Variants in CAST observed in about 807,000 individuals in gnomAD.
CAST encodes the protein MIR583 host.
CAST carries 76 observed loss-of-function variants against 119.6 expected under a neutral mutation model. The observed-to-expected ratio is 0.64, with a 90% CI of 0.53 to 0.77. CAST has a LOEUF of 0.77. CAST is among the 30% of genes least tolerant of loss of function. The pLI, the probability that CAST is intolerant of heterozygous loss-of-function variation, is 0.00. For synonymous variants in CAST, 319 were observed against 331.6 expected (o/e 0.96, Z 0.41); for missense variants, 953 against 946.5 (o/e 1.01, Z -0.09).
At chr5:96,507,663 C>G in the CAST span, among the ~76,000 whole-genome samples, 1 of 152,144 alleles carries the variant, frequency 6.6e-6, no homozygotes, top group African/African-American at 2.4e-5. Context: ...CTAAATAGGA[C>G]TCTGAAAATT....
the CAST span, chr5:96,393,179 A>C: frequency 2.5e-6 from 4 of 1,614,042 alleles, no homozygotes; most frequent in Non-Finnish European, 3.4e-6. Context: ...TTCATAAGGG[A>C]TGTTGAGCTT....
At chr5:96,696,328 A>G (rs924983429) in intron 3 of CAST, 1 of 153,042 alleles carries the variant, frequency 6.5e-6, no homozygotes. Flanking sequence ...TCTTCTTCTT[A>G]TTCCTTTATA....
At chr5:95,975,432 CCACT>C in the CAST span, among the ~76,000 whole-genome samples, 1 of 152,082 alleles carries the variant, frequency 6.6e-6, no homozygotes, top group South Asian at 2.1e-4. Flanking sequence ...AAAAACAAAC[CCACT>C]CTGTTTGGCA....
intron 25 of CAST, among the ~76,000 whole-genome samples, chr5:96,764,030 T>C (rs1768940377): frequency 6.6e-6 from 1 of 151,902 alleles, no homozygotes; most frequent in African/African-American, 2.4e-5. Context: ...GGATAGTGTA[T>C]GTGAAAACAT....
At chr5:96,169,512 G>A in the CAST span, among the ~76,000 whole-genome samples, 3 of 152,164 alleles carry the variant, frequency 2.0e-5, no homozygotes, top group African/African-American at 7.2e-5. Flanking sequence ...GACTTGTCCG[G>A]TTTTTGGACA....
At chr5:96,662,696 T>G (rs978563580) in intron 1 of CAST, among the ~76,000 whole-genome samples, 199 bp downstream of exon 1, 1 of 133,588 alleles carries the variant, frequency 7.5e-6, no homozygotes, top group Admixed American at 7.2e-5. Context: ...CCGGGTCCAG[T>G]GCGCTGGGCG....
intron 1 of CAST, among the ~76,000 whole-genome samples, chr5:96,666,598 G>T (rs999615192): frequency 2.0e-5 from 3 of 152,130 alleles, no homozygotes; most frequent in Admixed American, 2.0e-4. Context: ...AACAGGGCCT[G>T]CAAAAAGGGC....
the CAST span, among the ~76,000 whole-genome samples, chr5:96,232,254 C>A: frequency 6.6e-6 from 1 of 152,000 alleles, no homozygotes; most frequent in South Asian, 2.1e-4. Flanking sequence ...TGGGAATCTG[C>A]ATTTCTAAAA....
chr5:96,167,617 A>T, the CAST span, among the ~76,000 whole-genome samples: 1 of 152,182 alleles, frequency 6.6e-6, no homozygotes, highest in South Asian at 2.1e-4. Context: ...CAAGAGCCTG[A>T]AAAACTGCTT....
the CAST span, among the ~76,000 whole-genome samples, chr5:96,194,512 C>T: frequency 6.6e-6 from 1 of 151,936 alleles, no homozygotes; most frequent in African/African-American, 2.4e-5. Context: ...GCACTGGTTC[C>T]CAGATTTCAG....
intron 3 of CAST, among the ~76,000 whole-genome samples, chr5:96,699,603 G>A (rs916109432): frequency 1.3e-5 from 2 of 152,148 alleles, no homozygotes; most frequent in African/African-American, 4.8e-5. Flanking sequence ...GGATTTCCTG[G>A]TGGGCAGCAG....
chr5:96,029,769 A>C, the CAST span, among the ~76,000 whole-genome samples: 1 of 152,150 alleles, frequency 6.6e-6, no homozygotes, highest in Non-Finnish European at 1.5e-5. Context: ...AAAATACTTT[A>C]TAATATTTTG....
chr5:96,438,385 A>G, the CAST span, among the ~76,000 whole-genome samples: 3 of 152,010 alleles, frequency 2.0e-5, no homozygotes, highest in Non-Finnish European at 4.4e-5. Flanking sequence ...TCATTTATAG[A>G]CCTTTATATT....
intron 3 of CAST, among the ~76,000 whole-genome samples, chr5:96,697,133 A>C (rs547282733): frequency 6.6e-6 from 1 of 152,028 alleles, no homozygotes; most frequent in Non-Finnish European, 1.5e-5. Context: ...GCGCCACTGC[A>C]CTCCAGCCTT....
At chr5:96,697,293 T>C (rs1275408217) in intron 3 of CAST, among the ~76,000 whole-genome samples, 1 of 144,348 alleles carries the variant, frequency 6.9e-6, no homozygotes, top group East Asian at 2.0e-4. Flanking sequence ...TAACGTAAGC[T>C]TTTTTTTTTC....
the CAST span, among the ~76,000 whole-genome samples, chr5:96,069,655 CTTTTTTTT>C: frequency 5.1e-5 from 4 of 78,376 alleles, no homozygotes; most frequent in African/African-American, 5.2e-5. Flanking sequence ...GGTAATTAAA[CTTTTTTTT>C]TTTTTTTTTT....
the CAST span, among the ~76,000 whole-genome samples, chr5:96,056,728 A>C: frequency 6.6e-6 from 1 of 152,176 alleles, no homozygotes; most frequent in African/African-American, 2.4e-5. Flanking sequence ...GTGAGAGATA[A>C]AAGTAAAGCC....
upstream of CAST, among the ~76,000 whole-genome samples, chr5:96,659,248 TG>T (rs1748210188): frequency 1.3e-5 from 2 of 152,308 alleles, no homozygotes; most frequent in African/African-American, 4.8e-5. Context: ...TGAACACACA[TG>T]CTGTTGGAAA....
the CAST span, among the ~76,000 whole-genome samples, chr5:96,065,562 C>A: frequency 6.6e-6 from 1 of 151,982 alleles, no homozygotes; most frequent in Non-Finnish European, 1.5e-5. Flanking sequence ...TATTTTAAAG[C>A]ATTTAGAACA....
Sources: allele counts gnomAD v4.1 joint callset (sites outside exome capture counted in the v4.1 genomes callset), GRCh38; gene constraint gnomAD v4.1.1; transcripts MANE v1.5; gene names NCBI Gene and HGNC (gene_info 2026-07-23, HGNC 2026-07-21).